The following LRRC4C variants were observed in gnomAD, a reference collection of about 807,000 sequenced individuals.
LRRC4C encodes leucine-rich repeat-containing protein 4C.
In LRRC4C, 5 loss-of-function variants were observed where a neutral mutation model predicts 33.6. The ratio of observed to expected loss-of-function variants is 0.15; its 90% CI spans 0.08 to 0.31. The LOEUF (loss-of-function observed/expected upper bound fraction) is 0.31, where lower values mean the gene tolerates loss of function less well. LRRC4C is among the 10% of genes least tolerant of loss of function. The pLI, the probability that LRRC4C is intolerant of heterozygous loss-of-function variation, is 1.00. For missense variants in LRRC4C, 560 were observed against 796.7 expected (o/e 0.70, Z 3.58); for synonymous variants, 329 against 302.0 (o/e 1.09, Z -0.93).
At chr11:40,878,033 A>T (rs766548634) in intron 2 of LRRC4C, among the ~76,000 whole-genome samples, 102 of 152,200 alleles carry the variant, frequency 6.7e-4, no homozygotes, top group Non-Finnish European at 1.3e-3. Context: ...TCCCCTTTTC[A>T]AAGAAGCTCT....
chr11:41,424,731 T>C (rs35526843), intron 1 of LRRC4C, among the ~76,000 whole-genome samples: 12,235 of 152,152 alleles, frequency 0.08, 721 homozygotes, highest in Non-Finnish European at 0.11. Flanking sequence ...ATAATACGCA[T>C]TTATTTTAAT....
chr11:40,678,500 G>A (rs375959504), intron 2 of LRRC4C, among the ~76,000 whole-genome samples: 3 of 151,928 alleles, frequency 2.0e-5, no homozygotes, highest in African/African-American at 7.3e-5. Flanking sequence ...ATATGGTTTG[G>A]CTGTGTCTCC....
rs1441855069 is a variant in LRRC4C, at chr11:40,705,755, G to C, written c.-406-57477C>G. 2.0e-5 allele frequency among the ~76,000 whole-genome samples: 3 copies of C among 152,016 alleles called. No individual in the cohort carries two copies. The East Asian group carries it at 5.9e-4, about 30-fold the overall frequency. ...GATCACTGGACAAATGGTGTTTCTA[G>C]TTCCAGATCTTTGATGAATTGCCAC... On this transcript the variant is annotated intron_variant, in intron 2 of 6. Transcript: ENST00000528697.
At chr11:41,179,344 G>T (rs1590853445) in intron 1 of LRRC4C, among the ~76,000 whole-genome samples, 1 of 152,136 alleles carries the variant, frequency 6.6e-6, no homozygotes, top group Admixed American at 6.5e-5. Flanking sequence ...AACTGAGGAT[G>T]GATAGGTCAT....
chr11:41,022,872 G>C (rs1856080666), intron 1 of LRRC4C, among the ~76,000 whole-genome samples: 1 of 151,904 alleles, frequency 6.6e-6, no homozygotes, highest in Non-Finnish European at 1.5e-5. Flanking sequence ...TCTTCTGCCA[G>C]AGTGGAAAAA....
At position 41,359,119 on chromosome 11, in the gene LRRC4C, A is replaced by G. The variant is rs886475221; in HGVS notation, c.-496+100312T>C. On this transcript the variant is annotated intron_variant, in intron 1 of 6. Coordinates refer to ENST00000528697, the MANE Select transcript of LRRC4C (RefSeq NM_001258419.2). ...AGACTAAATACTGGATTCCAACTAC[A>G]TGACATTCTGAAAAAGAAAAAAAAA... 2.0e-5 allele frequency among the ~76,000 whole-genome samples: 3 copies of G among 152,010 alleles called. No homozygotes were observed. The South Asian group carries it at 6.2e-4, about 32-fold the overall frequency.
intron 1 of LRRC4C, among the ~76,000 whole-genome samples, chr11:40,994,727 C>T (rs944535452): frequency 1.3e-5 from 2 of 152,076 alleles, no homozygotes; most frequent in Non-Finnish European, 1.5e-5. Context: ...AAATATTAAG[C>T]CTTTTATCCC....
chr11:40,315,785 T>A (rs1160585840), intron 4 of LRRC4C, among the ~76,000 whole-genome samples: 2 of 152,004 alleles, frequency 1.3e-5, no homozygotes, highest in African/African-American at 4.8e-5. Context: ...TATAGGTCTC[T>A]GACAGGGTTA....
rs112871363 is a variant in LRRC4C at position 40,423,984 on chromosome 11, T to A, written c.-269-104263A>T. On this transcript the variant is annotated intron_variant, in intron 3 of 6. Coordinates refer to ENST00000528697, the MANE Select transcript of LRRC4C (RefSeq NM_001258419.2). The stretch of plus-strand genomic sequence containing the variant: ...TATCAGTAAAATTTATAAAAACTCA[T>A]GTATATGTATATGGTATACATATAT... Among the ~76,000 whole-genome samples, 20 of 152,302 alleles carry A rather than the reference T, an allele frequency of 1.3e-4. 1 individual carries two copies. The highest frequency in any genetic ancestry group is 4.6e-4 in the African/African-American group (19 of 41,560).
chr11:41,099,429 T>G (rs1269319967), intron 1 of LRRC4C, among the ~76,000 whole-genome samples: 1 of 144,354 alleles, frequency 6.9e-6, no homozygotes, highest in South Asian at 2.2e-4. Context: ...TGAACATAGA[T>G]ACAAAAATCC....
intron 6 of LRRC4C, among the ~76,000 whole-genome samples, chr11:40,116,824 A>G (rs1188406619): frequency 1.3e-5 from 2 of 152,218 alleles, no homozygotes; most frequent in South Asian, 4.1e-4. Context: ...CTGTCTGGAA[A>G]TGGTTACATA....
In LRRC4C at chr11:41,093,927, C is replaced by CAAA. The variant is rs56173087; in HGVS notation, c.-495-160207_-495-160205dup. 6.6e-3 allele frequency among the ~76,000 whole-genome samples: 385 copies of CAAA among 58,768 alleles called. 7 individuals are homozygous for CAAA. Among genetic ancestry groups the CAAA allele is most frequent in the African/African-American group, 0.018 (261 of 14,834 alleles). The allele number at this position is 58,768 out of a possible 152,430, so 38.6% of individuals were successfully genotyped here. ...TAACATGATGAAACCCCGTCTCCACCAAAAAAAAAAAAAAAAAAAAAAACA... is the reference window on the plus strand; with the variant it reads ...TAACATGATGAAACCCCGTCTCCACCAAAAAAAAAAAAAAAAAAAAAAAAAACA... On this transcript the variant is annotated intron_variant, in intron 1 of 6. Coordinates refer to ENST00000528697, the MANE Select transcript of LRRC4C (RefSeq NM_001258419.2).
chr11:41,003,482 T>G lies in LRRC4C; in HGVS notation c.-495-69759A>C, dbSNP rs148031090. On this transcript the variant is annotated intron_variant, in intron 1 of 6. Transcript: ENST00000528697. ...TTCACAGATACCTTGGGGAATACGG[T>G]ATGGAGGCTACAACAAGGTTATTTG... Among the ~76,000 whole-genome samples the G allele has an allele frequency of 1.2e-4, 18 of 152,298 alleles. No homozygotes were observed. In the South Asian group the frequency reaches 3.5e-3, roughly 30 times the overall value.
At chr11:41,174,215 A>G (rs1255322349) in intron 1 of LRRC4C, among the ~76,000 whole-genome samples, 3 of 152,174 alleles carry the variant, frequency 2.0e-5, no homozygotes, top group African/African-American at 2.4e-5. Context: ...CAAGTTATTT[A>G]TGTATGAGTT....
chr11:40,464,691 C>T (rs1952567976), intron 3 of LRRC4C, among the ~76,000 whole-genome samples: 1 of 151,850 alleles, frequency 6.6e-6, no homozygotes, highest in African/African-American at 2.4e-5. Flanking sequence ...AACTATCAAG[C>T]TGAGAACCAA....
chr11:40,509,991 T>C (rs1955230569), intron 3 of LRRC4C, among the ~76,000 whole-genome samples: 1 of 152,078 alleles, frequency 6.6e-6, no homozygotes. Flanking sequence ...GAGTGCTTAC[T>C]GCACTTTAGG....
chr11:40,754,046 C>T (rs1948822814), intron 2 of LRRC4C, among the ~76,000 whole-genome samples: 1 of 151,622 alleles, frequency 6.6e-6, no homozygotes, highest in African/African-American at 2.4e-5. Flanking sequence ...TTTAAAAATA[C>T]CACTGAATTA....
chr11:40,335,277 A>G (rs144736333), intron 3 of LRRC4C, among the ~76,000 whole-genome samples: 373 of 152,260 alleles, frequency 2.4e-3, no homozygotes, highest in African/African-American at 8.5e-3. Flanking sequence ...TAGGTTTTAT[A>G]GATGATATTT....
At chr11:40,272,304 C>T (rs1282688840) in intron 4 of LRRC4C, among the ~76,000 whole-genome samples, 1 of 152,098 alleles carries the variant, frequency 6.6e-6, no homozygotes, top group African/African-American at 2.4e-5. Flanking sequence ...ATTATGTAGA[C>T]TCAAGCAATT....
Sources: allele counts gnomAD v4.1 joint callset (sites outside exome capture counted in the v4.1 genomes callset), GRCh38; gene constraint gnomAD v4.1.1; transcripts MANE v1.5; gene names NCBI Gene and HGNC (gene_info 2026-07-23, HGNC 2026-07-21).